The following PGP variants were observed in gnomAD, a reference collection of about 807,000 sequenced individuals.
PGP encodes phosphoglycolate phosphatase, also known as aspartate-based ubiquitous Mg(2+)-dependent phosphatase.
PGP carries 9 observed loss-of-function variants against 19.3 expected under a neutral mutation model. The observed-to-expected ratio is 0.47, with a 90% CI of 0.28 to 0.81. PGP has a LOEUF of 0.81. Among genes scored for constraint, PGP ranks in the 40% least tolerant of loss-of-function variants. The pLI is 0.11. For missense variants in PGP, 403 were observed against 479.9 expected, an observed-to-expected ratio of 0.84 and a Z score of 1.50; for synonymous variants, 308 against 226.8, an observed-to-expected ratio of 1.36 and a Z score of -3.22.
rs1197346741 is a variant in PGP at position 2,212,396 on chromosome 16, C to G, written c.*1332G>C. On this transcript the variant is annotated 3_prime_UTR_variant, in exon 2 of 2. Coordinates refer to ENST00000333503, the MANE Select transcript of PGP (RefSeq NM_001042371.3). The stretch of plus-strand genomic sequence containing the variant: ...GGGAAAGGCGCTGGTAGGGAGCCAG[C>G]CAGAAGGTGCAGCATCCCGGGATGG... 10 of 985,802 alleles carry G rather than the reference C, an allele frequency of 1.0e-5. No homozygotes were observed. Among genetic ancestry groups the G allele is most frequent in the East Asian group, 1.1e-4 (1 of 8,838 alleles). 61.1% of individuals were successfully genotyped at this position (985,802 alleles called of 1,614,324 possible).
rs2093382682 is a variant in PGP, at chr16:2,214,319, G to A, written c.459C>T (p.Pro153=). 1 of 1,541,096 alleles carries A rather than the reference G, an allele frequency of 6.5e-7. No homozygotes were observed. The change falls in exon 1 of 2, where the codon CCC becomes CCT. Residue 153 remains proline, a synonymous_variant. Transcript: ENST00000333503. The surrounding 1 kb of genome is among the most constrained non-coding windows in gnomAD (Gnocchi z 7.1). The stretch of plus-strand genomic sequence containing the variant: ...CCAGCGGCGCGTGCAGCCAGTCGCC[G>A]GGACCCTCGCCCTGCAGTGGCTCGG... ...VGPEPLQGEG[P]GDWLHAPLEP... is the part of the protein sequence containing the mutation.
rs2093383231 is a variant in PGP at position 2,214,582 on chromosome 16, T to C, written c.196A>G (p.Ile66Val). 4.8e-6 allele frequency: 7 copies of C among 1,472,518 alleles called. No individual in the cohort carries two copies. The highest frequency in any genetic ancestry group is 2.9e-5 in the African/African-American group (2 of 68,128). The allele number at this position is 1,472,518 out of a possible 1,614,324, so 91.2% of individuals were successfully genotyped here. The change falls in exon 1 of 2, where the codon ATC becomes GTC. Residue 66 changes from isoleucine to valine, a missense_variant. Transcript: ENST00000333503. This position sits in a 1 kb window ranked among gnomAD's most constrained non-coding sequence, Gnocchi z 7.1. ...LRARGKRLGF[I>V]TNNSSKTRAA... ...CGGGTCTTGCTGCTGTTGTTGGTGA[T>C]GAAGCCCAGGCGCTTGCCGCGGGCT...
Position 2,211,743 on chromosome 16 carries a change from C to G in PGP, c.*1985G>C. On this transcript the variant is annotated 3_prime_UTR_variant, in exon 2 of 2. Coordinates refer to ENST00000333503, the MANE Select transcript of PGP (RefSeq NM_001042371.3). ...CAGCATTACTTCTGAGCTCTGCTCC[C>G]TGCCCTGGGCGCTCTGACACGGCAG... is the stretch of plus-strand genomic sequence containing the variant. The G allele has an allele frequency of 1.0e-6, 1 of 985,524 alleles. No homozygotes were observed. The highest frequency in any genetic ancestry group is 1.7e-5 in the African/African-American group (1 of 57,368). 61.0% of individuals were successfully genotyped at this position (985,524 alleles called of 1,614,324 possible).
chr16:2,212,771 A>G lies in PGP; in HGVS notation c.*957T>C. 1.0e-6 allele frequency: 1 copy of G among 985,436 alleles called. No homozygotes were observed. Among genetic ancestry groups the G allele is most frequent in the Non-Finnish European group, 1.2e-6 (1 of 829,926 alleles). The allele number at this position is 985,436 out of a possible 1,614,324, so 61.0% of individuals were successfully genotyped here. The stretch of plus-strand genomic sequence containing the variant: ...GCTGGCTGCAGGGCACCTGGATGAC[A>G]GGCATTCCTTGGCCAACACATGCTT... On this transcript the variant is annotated 3_prime_UTR_variant, in exon 2 of 2. Coordinates refer to ENST00000333503, the MANE Select transcript of PGP (RefSeq NM_001042371.3).
Position 2,211,673 on chromosome 16 carries a change from C to T in PGP, c.*2055G>A, listed in dbSNP as rs985781509. On this transcript the variant is annotated 3_prime_UTR_variant, in exon 2 of 2. Transcript: ENST00000333503. ...TCTCAAGTAATCCACCTGCCTCAGC[C>T]TTCCAAAGCGTTGGGATTACGGGTG... is the stretch of plus-strand genomic sequence containing the variant. 1 of 984,302 alleles carries T rather than the reference C, an allele frequency of 1.0e-6. No individual in the cohort carries two copies. Among genetic ancestry groups the T allele is most frequent in the Non-Finnish European group, 1.2e-6 (1 of 828,878 alleles). The allele number at this position is 984,302 out of a possible 1,614,324, so 61.0% of individuals were successfully genotyped here. A position where few individuals can be genotyped will look rare whatever the true frequency, so the allele number is the denominator to read the frequency against.
At position 2,212,676 on chromosome 16, in the gene PGP, C is replaced by T. The variant is rs2093378408; in HGVS notation, c.*1052G>A. On this transcript the variant is annotated 3_prime_UTR_variant, in exon 2 of 2. Transcript: ENST00000333503. Reference sequence around the variant, plus strand: ...GGACTTCCTGTTCTTGGGGACATAACTCTCGTCCCCTCCCAGAGCCCTGGA... The same window carrying T: ...GGACTTCCTGTTCTTGGGGACATAATTCTCGTCCCCTCCCAGAGCCCTGGA... 5 of 985,516 alleles carry T rather than the reference C, an allele frequency of 5.1e-6. No homozygotes were observed. Among genetic ancestry groups the T allele is most frequent in the Non-Finnish European group, 6.0e-6 (5 of 829,942 alleles). The allele number at this position is 985,516 out of a possible 1,614,324, so 61.0% of individuals were successfully genotyped here.
chr16:2,213,041 C>T lies in PGP; in HGVS notation c.*687G>A. On this transcript the variant is annotated 3_prime_UTR_variant, in exon 2 of 2. Coordinates refer to ENST00000333503, the MANE Select transcript of PGP (RefSeq NM_001042371.3). ...GGGTATAAATGCACACTTGAGACAG[C>T]AGAGCTTTAGCTGGGCTGCGTTTAC... 1.0e-6 allele frequency: 1 copy of T among 985,524 alleles called. No individual in the cohort carries two copies. Among genetic ancestry groups the T allele is most frequent in the Non-Finnish European group, 1.2e-6 (1 of 829,964 alleles). The allele number at this position is 985,524 out of a possible 1,614,324, so 61.0% of individuals were successfully genotyped here.
rs984416499 is a variant in PGP at position 2,214,386 on chromosome 16, G to C, written c.392C>G (p.Ala131Gly). 5 of 1,445,392 alleles carry C rather than the reference G, an allele frequency of 3.5e-6. No individual in the cohort carries two copies. The African/African-American group carries it at 7.4e-5, about 22-fold the overall frequency. The allele number at this position is 1,445,392 out of a possible 1,614,324, so 89.5% of individuals were successfully genotyped here. ...AYVLGSPALA[A>G]ELEAVGVASV... ...GGCGACGCCCACGGCCTCCAGCTCC[G>C]CGGCCAGGGCTGGGCTGCCCAGCAC... The change falls in exon 1 of 2, where the codon GCG becomes GGG. Residue 131 changes from alanine to glycine, a missense_variant. Physicochemically the swap from Ala to Gly is moderately conservative, Grantham distance 60 (BLOSUM62 0). Transcript: ENST00000333503. This position sits in a 1 kb window ranked among gnomAD's most constrained non-coding sequence, Gnocchi z 7.1.
Position 2,214,628 on chromosome 16 carries a change from G to T in PGP, c.150C>A (p.Pro50=). Residue 50 remains proline (P), a synonymous_variant, in exon 1 of 2, where the codon CCC becomes CCA. Transcript: ENST00000333503. The surrounding 1 kb of genome is among the most constrained non-coding windows in gnomAD (Gnocchi z 7.1). The part of the protein sequence containing the change: ...WRGETAVPGA[P]EALRALRARG... ...GGGCTCGCAGCGCCCGCAGGGCCTC[G>T]GGCGCGCCAGGCACGGCGGTCTCCC... 1 of 1,448,312 alleles carries T rather than the reference G, an allele frequency of 6.9e-7. No homozygotes were observed. The highest frequency in any genetic ancestry group is 1.3e-5 in the South Asian group (1 of 75,916). 89.7% of individuals were successfully genotyped at this position (1,448,312 alleles called of 1,614,324 possible). A position where few individuals can be genotyped will look rare whatever the true frequency, so the allele number is the denominator to read the frequency against.
rs1567288274 is a variant in PGP at position 2,214,346 on chromosome 16, C to T, written c.432G>A (p.Gly144=). 2.0e-6 allele frequency: 3 copies of T among 1,518,818 alleles called. No homozygotes were observed. The highest frequency in any genetic ancestry group is 2.1e-5 in the Admixed American group (1 of 48,596). 94.1% of individuals were successfully genotyped at this position (1,518,818 alleles called of 1,614,324 possible). A position where few individuals can be genotyped will look rare whatever the true frequency, so the allele number is the denominator to read the frequency against. ...GACCCTCGCCCTGCAGTGGCTCGGG[C>T]CCCACGCCCACGCTGGCGACGCCCA... The part of the protein sequence containing the change: ...EAVGVASVGV[G]PEPLQGEGPG... The change falls in exon 1 of 2, where the codon GGG becomes GGA. Residue 144 remains glycine (G), a synonymous_variant. Coordinates refer to ENST00000333503, the MANE Select transcript of PGP (RefSeq NM_001042371.3). The surrounding 1 kb of genome is among the most constrained non-coding windows in gnomAD (Gnocchi z 7.1).
chr16:2,214,691 G>A lies in PGP; in HGVS notation c.87C>T (p.Asp29=), dbSNP rs766091794. The A allele has an allele frequency of 3.5e-6, 5 of 1,413,698 alleles. No individual in the cohort carries two copies. Among genetic ancestry groups the A allele is most frequent in the African/African-American group, 1.5e-5 (1 of 66,712 alleles). The allele number at this position is 1,413,698 out of a possible 1,614,324, so 87.6% of individuals were successfully genotyped here. A position where few individuals can be genotyped will look rare whatever the true frequency, so the allele number is the denominator to read the frequency against. The change falls in exon 1 of 2, where the codon GAC becomes GAT. Residue 29 remains aspartate (D), a synonymous_variant. Transcript: ENST00000333503. This position sits in a 1 kb window ranked among gnomAD's most constrained non-coding sequence, Gnocchi z 7.1. The stretch of plus-strand genomic sequence containing the variant: ...CGCCGTCGCAGTCGAACAGCAGCGT[G>A]TCCACGTCGGCCAGCAGCGCCTGTG... The part of the protein sequence containing the change: ...ERAQALLADV[D]TLLFDCDGVL...
rs2093377701 is a variant in PGP, at chr16:2,212,388, G to A, written c.*1340C>T. On this transcript the variant is annotated 3_prime_UTR_variant, in exon 2 of 2. Coordinates refer to ENST00000333503, the MANE Select transcript of PGP (RefSeq NM_001042371.3). ...CAGGTACAGGGAAAGGCGCTGGTAG[G>A]GAGCCAGCCAGAAGGTGCAGCATCC... 1.0e-6 allele frequency: 1 copy of A among 985,848 alleles called. No homozygotes were observed. 61.1% of individuals were successfully genotyped at this position (985,848 alleles called of 1,614,324 possible).
At position 2,212,089 on chromosome 16, in the gene PGP, C is replaced by G. The variant is rs528334328; in HGVS notation, c.*1639G>C. 5 of 985,532 alleles carry G rather than the reference C, an allele frequency of 5.1e-6. No homozygotes were observed. The African/African-American group carries it at 8.7e-5, about 17-fold the overall frequency. 61.0% of individuals were successfully genotyped at this position (985,532 alleles called of 1,614,324 possible). ...GATGCACGGGGACTCCCAGCCCCTA[C>G]CCGGCAAGAGAGGCATCACTGAGGC... is the stretch of plus-strand genomic sequence containing the variant. On this transcript the variant is annotated 3_prime_UTR_variant, in exon 2 of 2. Coordinates refer to ENST00000333503, the MANE Select transcript of PGP (RefSeq NM_001042371.3).
At position 2,212,037 on chromosome 16, in the gene PGP, C is replaced by A. The variant is rs147954828; in HGVS notation, c.*1691G>T. ...AATCTGTGCTCTGGCGCCCACAGTGCTGCAGCCCCTCATGGGCCAGAGACA... is the reference window on the plus strand; with the variant it reads ...AATCTGTGCTCTGGCGCCCACAGTGATGCAGCCCCTCATGGGCCAGAGACA... On this transcript the variant is annotated 3_prime_UTR_variant, in exon 2 of 2. Coordinates refer to ENST00000333503, the MANE Select transcript of PGP (RefSeq NM_001042371.3). 1.0e-6 allele frequency: 1 copy of A among 985,512 alleles called. No homozygotes were observed. Among genetic ancestry groups the A allele is most frequent in the African/African-American group, 1.7e-5 (1 of 57,370 alleles). The allele number at this position is 985,512 out of a possible 1,614,324, so 61.0% of individuals were successfully genotyped here. A position where few individuals can be genotyped will look rare whatever the true frequency, so the allele number is the denominator to read the frequency against.
Position 2,212,550 on chromosome 16 carries a change from G to A in PGP, c.*1178C>T. 2.0e-6 allele frequency: 2 copies of A among 985,520 alleles called. No individual in the cohort carries two copies. The highest frequency in any genetic ancestry group is 9.4e-5 in the South Asian group (2 of 21,294). 61.0% of individuals were successfully genotyped at this position (985,520 alleles called of 1,614,324 possible). On this transcript the variant is annotated 3_prime_UTR_variant, in exon 2 of 2. Coordinates refer to ENST00000333503, the MANE Select transcript of PGP (RefSeq NM_001042371.3). ...CCAAGTCCTGCTGGCCACTGAAGAG[G>A]GAATCCAGGGCAAGGCAGGTGACCT...
rs1325179928 is a variant in PGP at position 2,212,228 on chromosome 16, A to T, written c.*1500T>A. ...CAGCCTCATGGGTGGAGCCACCCTC[A>T]TGCTGCTCTGCAGCACCCTCTGAAC... On this transcript the variant is annotated 3_prime_UTR_variant, in exon 2 of 2. Transcript: ENST00000333503. The T allele has an allele frequency of 4.1e-6, 4 of 985,772 alleles. No individual in the cohort carries two copies. Among genetic ancestry groups the T allele is most frequent in the African/African-American group, 1.7e-5 (1 of 57,264 alleles). 61.1% of individuals were successfully genotyped at this position (985,772 alleles called of 1,614,324 possible). A position where few individuals can be genotyped will look rare whatever the true frequency, so the allele number is the denominator to read the frequency against.
rs1263222794 is a variant in PGP at position 2,214,595 on chromosome 16, C to T, written c.183G>A (p.Lys61=). ...TGTTGTTGGTGATGAAGCCCAGGCGCTTGCCGCGGGCTCGCAGCGCCCGCA... is the reference window on the plus strand; with the variant it reads ...TGTTGTTGGTGATGAAGCCCAGGCGTTTGCCGCGGGCTCGCAGCGCCCGCA... ...EALRALRARG[K]RLGFITNNSS... Residue 61 remains lysine, a synonymous_variant, in exon 1 of 2, where the codon AAG becomes AAA. Transcript: ENST00000333503. The surrounding 1 kb of genome is among the most constrained non-coding windows in gnomAD (Gnocchi z 7.1). 1 of 1,468,874 alleles carries T rather than the reference C, an allele frequency of 6.8e-7. No homozygotes were observed. Among genetic ancestry groups the T allele is most frequent in the Non-Finnish European group, 9.0e-7 (1 of 1,114,502 alleles). The allele number at this position is 1,468,874 out of a possible 1,614,324, so 91.0% of individuals were successfully genotyped here.
At position 2,213,157 on chromosome 16, in the gene PGP, G is replaced by A; in HGVS notation, c.*571C>T. The A allele has an allele frequency of 1.0e-6, 1 of 985,530 alleles. No homozygotes were observed. The highest frequency in any genetic ancestry group is 1.2e-6 in the Non-Finnish European group (1 of 829,952). 61.0% of individuals were successfully genotyped at this position (985,530 alleles called of 1,614,324 possible). A position where few individuals can be genotyped will look rare whatever the true frequency, so the allele number is the denominator to read the frequency against. ...TTTCAAGGAAGTAAGGGAGGTGGGA[G>A]AGTGGTGAGGGCAGCACTTTGCACC... On this transcript the variant is annotated 3_prime_UTR_variant, in exon 2 of 2. Transcript: ENST00000333503.
Position 2,213,019 on chromosome 16 carries a change from T to C in PGP, c.*709A>G. ...AGCTGCTCCGTCCAAATCACCTGGG[T>C]ATAAATGCACACTTGAGACAGCAGA... On this transcript the variant is annotated 3_prime_UTR_variant, in exon 2 of 2. Coordinates refer to ENST00000333503, the MANE Select transcript of PGP (RefSeq NM_001042371.3). 1.0e-6 allele frequency: 1 copy of C among 985,492 alleles called. No homozygotes were observed. Among genetic ancestry groups the C allele is most frequent in the Non-Finnish European group, 1.2e-6 (1 of 829,960 alleles). The allele number at this position is 985,492 out of a possible 1,614,324, so 61.0% of individuals were successfully genotyped here.
Sources: allele counts gnomAD v4.1 joint callset, GRCh38; gene constraint gnomAD v4.1.1; non-coding constraint Gnocchi (gnomAD v3.1); transcripts MANE v1.5; gene names NCBI Gene and HGNC (gene_info 2026-07-23, HGNC 2026-07-21).